TET3: variants seen among roughly 807,000 people sequenced by gnomAD.
The protein encoded by TET3 is tet methylcytosine dioxygenase 3.
TET3 carries 19 observed loss-of-function variants against 141.4 expected under a neutral mutation model. That is an observed-to-expected ratio of 0.13 (90% CI 0.09 to 0.20). TET3 has a LOEUF of 0.20. Ranked by LOEUF, TET3 falls within the 10% of genes least tolerant of loss-of-function variation. TET3 has a pLI of 1.00. For missense variants in TET3, 1,874 were observed against 2,356.9 expected (o/e 0.80, Z 4.24); for synonymous variants, 1,043 against 980.9 (o/e 1.06, Z -1.18).
intron 3 of TET3, among the ~76,000 whole-genome samples, chr2:74,016,621 C>CTGAG (rs1685741552): frequency 6.6e-6 from 1 of 151,994 alleles, no homozygotes; most frequent in Non-Finnish European, 1.5e-5. Context: ...ATTTGGGAGG[C>CTGAG]TGAGGCAGGA....
At chr2:74,098,518 G>A (rs1690978519) in intron 10 of TET3, among the ~76,000 whole-genome samples, 1 of 152,052 alleles carries the variant, frequency 6.6e-6, no homozygotes, top group African/African-American at 2.4e-5. Flanking sequence ...TGGGTGGTGG[G>A]ATGGGAGATT....
rs1321158091 is a variant in TET3, at chr2:74,104,298, A to G, written c.*2122A>G. 3 of 152,216 alleles carry G rather than the reference A, an allele frequency of 2.0e-5. No homozygotes were observed. Among genetic ancestry groups the G allele is most frequent in the African/African-American group, 7.2e-5 (3 of 41,460 alleles). 9.4% of individuals were successfully genotyped at this position (152,216 alleles called of 1,614,324 possible). ...AAATATTATTGCTTTTGAAATAAATACCCAAGAGCTTATCAGGACTTAGAA... is the reference window on the plus strand; with the variant it reads ...AAATATTATTGCTTTTGAAATAAATGCCCAAGAGCTTATCAGGACTTAGAA... On this transcript the variant is annotated 3_prime_UTR_variant, in exon 12 of 12. Coordinates refer to ENST00000409262, the MANE Select transcript of TET3 (RefSeq NM_001287491.2).
At position 74,100,765 on chromosome 2, in the gene TET3, A is replaced by G. The variant is rs774387919; in HGVS notation, c.3977A>G (p.Asn1326Ser). The G allele has an allele frequency of 3.7e-6, 6 of 1,613,372 alleles. No homozygotes were observed. Among genetic ancestry groups the G allele is most frequent in the Non-Finnish European group, 4.2e-6 (5 of 1,179,688 alleles). Residue 1326 changes from asparagine (N) to serine (S), a missense_variant, in exon 12 of 12, where the codon AAC (asparagine) becomes AGC (serine). Around this residue, in one of 10 missense-constraint regions of TET3, gnomAD observed 602 missense variants for 590.2 expected, o/e 1.02. Coordinates refer to ENST00000409262, the MANE Select transcript of TET3 (RefSeq NM_001287491.2). ...EKKPDLHALH[N>S]SLSPAYGGAE... ...AAGCCAGACCTCCACGCTCTGCACA[A>G]CAGCCTGAGCCCGGCCTACGGTGGT...
At chr2:74,119,445 T>G in the TET3 span, among the ~76,000 whole-genome samples, 1 of 152,326 alleles carries the variant, frequency 6.6e-6, no homozygotes, top group South Asian at 2.1e-4. Flanking sequence ...TCTGATTGTT[T>G]CTTCATTAAT....
chr2:74,096,742 T>TG (rs1690854846), intron 10 of TET3, among the ~76,000 whole-genome samples: 2 of 145,408 alleles, frequency 1.4e-5, no homozygotes, highest in Admixed American at 1.4e-4. Context: ...CACTCCAGCC[T>TG]GTGCAATAAG....
intron 4 of TET3, among the ~76,000 whole-genome samples, chr2:74,048,764 C>T (rs191711527): frequency 6.6e-6 from 1 of 152,272 alleles, no homozygotes. Context: ...TGGGCAACAG[C>T]TTAGTGGCTA....
intron 2 of TET3, among the ~76,000 whole-genome samples, chr2:73,991,686 C>A (rs1684331423): frequency 6.6e-6 from 1 of 151,604 alleles, no homozygotes; most frequent in Non-Finnish European, 1.5e-5. Flanking sequence ...TGGTCTGGGG[C>A]TCCCAGGTGT....
rs1690247681 is a variant in TET3, at chr2:74,087,822, C to T, written c.2680-8C>T. On this transcript the variant is annotated splice_polypyrimidine_tract_variant and splice_region_variant and intron_variant, in intron 6 of 11. Coordinates refer to ENST00000409262, the MANE Select transcript of TET3 (RefSeq NM_001287491.2). This position sits in a 1 kb window ranked among gnomAD's most constrained non-coding sequence, Gnocchi z 4.3. Reference sequence around the variant, plus strand: ...GGCTCCTGCCCCTCACACCCTGCGTCCCTGCAGGTGATCCGCAGGCACACG... The same window carrying T: ...GGCTCCTGCCCCTCACACCCTGCGTTCCTGCAGGTGATCCGCAGGCACACG... 6.5e-7 allele frequency: 1 copy of T among 1,545,482 alleles called. No homozygotes were observed. The highest frequency in any genetic ancestry group is 2.0e-5 in the Admixed American group (1 of 50,764).
At chr2:73,994,614 T>C (rs898291413) in intron 2 of TET3, among the ~76,000 whole-genome samples, 1 of 143,566 alleles carries the variant, frequency 7.0e-6, no homozygotes, top group Non-Finnish European at 1.5e-5. Context: ...GGTCTATTTT[T>C]TTTCTTTCTT....
chr2:73,993,528 CAGTGACAAATAAG>C (rs1354927419), intron 2 of TET3: 2 of 152,266 alleles, frequency 1.3e-5, no homozygotes, highest in East Asian at 3.8e-4. Flanking sequence ...AGGGCGGGGG[CAGTGACAAATAAG>C]CTGTGATGAA....
chr2:74,049,998 G>A (rs1687859983), intron 4 of TET3, among the ~76,000 whole-genome samples: 1 of 152,090 alleles, frequency 6.6e-6, no homozygotes. Flanking sequence ...TTTGATCATG[G>A]GGTCCGCTTA....
intron 2 of TET3, chr2:73,993,260 A>G (rs979487319): frequency 3.9e-5 from 6 of 152,200 alleles, no homozygotes; most frequent in South Asian, 4.1e-4. Flanking sequence ...TTCTATGGCA[A>G]ATTGCTCACC....
chr2:74,073,564 A>C lies in TET3; in HGVS notation c.2510A>C (p.Lys837Thr). 1.2e-5 allele frequency: 20 copies of C among 1,609,028 alleles called. No homozygotes were observed. Among genetic ancestry groups the C allele is most frequent in the Non-Finnish European group, 1.7e-5 (20 of 1,178,244 alleles). Residue 837 changes from lysine to threonine, a missense_variant, in exon 5 of 12, where the codon AAA becomes ACA. Transcript: ENST00000409262. Reference protein sequence around the residue: ...TCDCVEQIVEKDEGPYYTHLG... With the variant: ...TCDCVEQIVETDEGPYYTHLG... ...GTTTCTGCAGAACAAATAGTGGAGA[A>C]AGATGAAGGTCCATATTATACTCAC...
rs1266873750 is a variant in TET3, at chr2:74,106,053, C to G, written c.*3877C>G. 1 of 151,810 alleles carries G rather than the reference C, an allele frequency of 6.6e-6. No homozygotes were observed. Among genetic ancestry groups the G allele is most frequent in the African/African-American group, 2.4e-5 (1 of 41,194 alleles). The allele number at this position is 151,810 out of a possible 1,614,324, so 9.4% of individuals were successfully genotyped here. A position where few individuals can be genotyped will look rare whatever the true frequency, so the allele number is the denominator to read the frequency against. ...CTGAGGTGCTATCAACGTTCTGAAA[C>G]CACAACCAACCAAAAACAAGGTGGG... On this transcript the variant is annotated 3_prime_UTR_variant, in exon 12 of 12. Coordinates refer to ENST00000409262, the MANE Select transcript of TET3 (RefSeq NM_001287491.2).
the TET3 span, among the ~76,000 whole-genome samples, chr2:74,113,827 C>T: frequency 6.6e-6 from 1 of 152,032 alleles, no homozygotes; most frequent in Non-Finnish European, 1.5e-5. Context: ...GGAAAGACAT[C>T]CCATGCTCGC....
At position 74,048,073 on chromosome 2, in the gene TET3, G is replaced by A; in HGVS notation, c.2156G>A (p.Gly719Glu). ...ELIRQFEAEF[G>E]DSFGLPGPPS... ...ATCCGGCAGTTTGAGGCTGAATTTG[G>A]AGATAGCTTTGGGCTTCCCGGCCCC... Residue 719 changes from glycine to glutamate, a missense_variant, in exon 4 of 12, where the codon GGA (glycine) becomes GAA (glutamate). Physicochemically the swap from Gly to Glu is moderately conservative, Grantham distance 98. This residue lies in a region of TET3 where 484 missense variants were observed against 462.2 expected (regional missense o/e 1.05). Coordinates refer to ENST00000409262, the MANE Select transcript of TET3 (RefSeq NM_001287491.2). The A allele has an allele frequency of 6.2e-7, 1 of 1,613,188 alleles. No individual in the cohort carries two copies. The highest frequency in any genetic ancestry group is 8.5e-7 in the Non-Finnish European group (1 of 1,179,548).
At chr2:74,084,928 C>T (rs1690038070) in intron 6 of TET3, among the ~76,000 whole-genome samples, 1 of 151,310 alleles carries the variant, frequency 6.6e-6, no homozygotes, top group African/African-American at 2.4e-5. Context: ...GAGCAAGACT[C>T]GGTCTCAAAA....
intron 3 of TET3, among the ~76,000 whole-genome samples, chr2:74,043,323 T>C (rs542474860): frequency 6.6e-6 from 1 of 152,186 alleles, no homozygotes; most frequent in Admixed American, 6.5e-5. Context: ...AGCTGATATA[T>C]TCCATGGCCT....
At position 74,079,271 on chromosome 2, in the gene TET3, G is replaced by A. The variant is rs111641796; in HGVS notation, c.2586-1227G>A. Among the ~76,000 whole-genome samples the A allele has an allele frequency of 9.0e-3, 1,367 of 152,236 alleles. 25 individuals carry two copies. The highest frequency in any genetic ancestry group is 0.032 in the African/African-American group (1,319 of 41,512). ...CTGAGGCAGAGAATTACTTGAACCC[G>A]GGAAGCGGAGGTTGCAATGAGCCGA... On this transcript the variant is annotated intron_variant, in intron 5 of 11. Coordinates refer to ENST00000409262, the MANE Select transcript of TET3 (RefSeq NM_001287491.2).
Sources: gnomAD v4.1 joint callset for allele counts (sites outside exome capture counted in the v4.1 genomes callset) on GRCh38, gnomAD v4.1.1 for gene constraint, gnomAD v4.1.1 regional missense constraint, Gnocchi (gnomAD v3.1) non-coding constraint, MANE v1.5 for transcripts, NCBI Gene and HGNC (gene_info 2026-07-23, HGNC 2026-07-21) for gene names.